ABL1: variants seen among roughly 807,000 people sequenced by gnomAD.
ABL1 encodes tyrosine-protein kinase ABL1.
ABL1 carries 11 observed loss-of-function variants against 94.7 expected under a neutral mutation model. The observed-to-expected ratio is 0.12, with a 90% CI of 0.07 to 0.19. ABL1 has a LOEUF of 0.19. Among genes scored for constraint, ABL1 ranks in the 10% least tolerant of loss-of-function variants. The pLI, the probability that ABL1 is intolerant of heterozygous loss-of-function variation, is 1.00. For missense variants in ABL1, 1,082 were observed against 1,489.4 expected (o/e 0.73, Z 4.50); for synonymous variants, 656 against 622.4 (o/e 1.05, Z -0.80).
intron 1 of ABL1, among the ~76,000 whole-genome samples, chr9:130,753,422 C>CTTTTTTTT (rs71389347): frequency 2.2e-4 from 20 of 90,340 alleles, no homozygotes; most frequent in East Asian, 4.1e-4. Flanking sequence ...TTTTTCTTTT[C>CTTTTTTTT]TTTTTTTTTT....
At chr9:130,843,038 A>C (rs575896908) in intron 1 of ABL1, among the ~76,000 whole-genome samples, 1 of 152,344 alleles carries the variant, frequency 6.6e-6, no homozygotes, top group East Asian at 1.9e-4. Flanking sequence ...TTTCCTGGTC[A>C]GGTTGCATTT....
Position 130,887,370 on chromosome 9 carries a change from G to C in ABL1, c.*1687G>C, listed in dbSNP as rs1588285247. On this transcript the variant is annotated 3_prime_UTR_variant, in exon 11 of 11. Coordinates refer to ENST00000318560, the MANE Select transcript of ABL1 (RefSeq NM_005157.6). ...GTCACCGACAGCGGCCTTGAAGACA[G>C]AGCAAAGCGCCCACCCAGGTCCCCC... is the stretch of plus-strand genomic sequence containing the variant. The C allele has an allele frequency of 4.3e-6, 1 of 233,380 alleles. No individual in the cohort carries two copies. The highest frequency in any genetic ancestry group is 6.0e-5 in the East Asian group (1 of 16,590). 14.5% of individuals were successfully genotyped at this position (233,380 alleles called of 1,614,324 possible).
chr9:130,858,435 G>T (rs916244072), intron 3 of ABL1, among the ~76,000 whole-genome samples: 1 of 152,064 alleles, frequency 6.6e-6, no homozygotes, highest in Non-Finnish European at 1.5e-5. Flanking sequence ...TTCCCTTGGC[G>T]TCTTGCCTCC....
At chr9:130,841,975 G>C (rs1470401230) in intron 1 of ABL1, among the ~76,000 whole-genome samples, 1 of 151,200 alleles carries the variant, frequency 6.6e-6, no homozygotes, top group Non-Finnish European at 1.5e-5. Flanking sequence ...GAGACATAAG[G>C]GGGAAATCTA....
intron 1 of ABL1, among the ~76,000 whole-genome samples, chr9:130,821,885 G>A (rs1830368007): frequency 2.0e-5 from 3 of 149,966 alleles, no homozygotes; most frequent in Non-Finnish European, 4.4e-5. Context: ...CTGTCACCCA[G>A]GCTGGAGTGC....
intron 1 of ABL1, chr9:130,724,747 T>TTA (rs769873923): frequency 3.4e-6 from 1 of 291,412 alleles, no homozygotes; most frequent in Non-Finnish European, 6.6e-6. Flanking sequence ...ACCCTGTCTT[T>TTA]AAAAAAAAAA....
At position 130,885,896 on chromosome 9, in the gene ABL1, G is replaced by C. The variant is rs938946548; in HGVS notation, c.*213G>C. 4 of 621,984 alleles carry C rather than the reference G, an allele frequency of 6.4e-6. No individual in the cohort carries two copies. The highest frequency in any genetic ancestry group is 1.1e-5 in the Non-Finnish European group (4 of 370,696). 38.5% of individuals were successfully genotyped at this position (621,984 alleles called of 1,614,324 possible). On this transcript the variant is annotated 3_prime_UTR_variant, in exon 11 of 11. Coordinates refer to ENST00000318560, the MANE Select transcript of ABL1 (RefSeq NM_005157.6). The stretch of plus-strand genomic sequence containing the variant: ...CCCGCACCTTCCTCCTCCCCGCTCC[G>C]TCTCTGTCCTCGAATTTTATCTGTG...
chr9:130,883,900 T>C, intron 10 of ABL1, 69 bp from the exon 11 acceptor site: 2 of 1,521,760 alleles, frequency 1.3e-6, no homozygotes, highest in Non-Finnish European at 8.8e-7. Context: ...GCCTCCCGGG[T>C]TCAAGCGATT....
chr9:130,880,391 G>T lies in ABL1; in HGVS notation c.1514-109G>T. On this transcript the variant is annotated intron_variant, in intron 9 of 10. Transcript: ENST00000318560. The surrounding 1 kb of genome is among the most constrained non-coding windows in gnomAD (Gnocchi z 4.4). ...GTATCCACGTGCCTTTTCTTTAGTT[G>T]TATGCAGATGAGCACTGTTACCTTA... The T allele has an allele frequency of 7.4e-7, 1 of 1,353,376 alleles. No homozygotes were observed. The highest frequency in any genetic ancestry group is 1.4e-5 in the South Asian group (1 of 73,672). The allele number at this position is 1,353,376 out of a possible 1,614,324, so 83.8% of individuals were successfully genotyped here.
chr9:130,812,776 TA>T (rs1312050820), intron 1 of ABL1, among the ~76,000 whole-genome samples: 1 of 152,218 alleles, frequency 6.6e-6, no homozygotes, highest in Non-Finnish European at 1.5e-5. Context: ...TCAGTGAGGA[TA>T]TAGAAGATTT....
At chr9:130,823,387 G>C (rs763953461) in intron 1 of ABL1, among the ~76,000 whole-genome samples, 4 of 152,108 alleles carry the variant, frequency 2.6e-5, no homozygotes, top group Admixed American at 6.6e-5. Flanking sequence ...AGGTTAATGC[G>C]AGTTAGAACT....
Position 130,770,171 on chromosome 9 carries a change from G to GTC in ABL1, c.136+55730_136+55731dup, listed in dbSNP as rs780747993. ...ATTTCTACCAGTTGTCTCTCTCTCTGTCTCTCTCTCTCTCTTTTTTTTTTA... is the reference window on the plus strand; with the variant it reads ...ATTTCTACCAGTTGTCTCTCTCTCTGTCTCTCTCTCTCTCTCTTTTTTTTTTA... On this transcript the variant is annotated intron_variant, in intron 1 of 10. Transcript: ENST00000372348. Among the ~76,000 whole-genome samples the GTC allele has an allele frequency of 1.0e-3, 95 of 93,412 alleles. 2 individuals carry two copies. In the East Asian group the frequency reaches 0.019, roughly 19 times the overall value. 61.3% of individuals were successfully genotyped at this position (93,412 alleles called of 152,430 possible).
At chr9:130,819,800 C>G (rs1830336478) in intron 1 of ABL1, among the ~76,000 whole-genome samples, 1 of 151,976 alleles carries the variant, frequency 6.6e-6, no homozygotes, top group Non-Finnish European at 1.5e-5. Context: ...CTCAGCCTTC[C>G]AAAGTGCTGG....
chr9:130,784,752 C>T (rs1406895252), intron 1 of ABL1, among the ~76,000 whole-genome samples: 2 of 152,198 alleles, frequency 1.3e-5, no homozygotes, highest in Admixed American at 1.3e-4. Context: ...TTGGTACATT[C>T]ACCCTGCAGC....
chr9:130,783,780 C>T (rs1179976266), intron 1 of ABL1, among the ~76,000 whole-genome samples: 2 of 152,066 alleles, frequency 1.3e-5, no homozygotes, highest in African/African-American at 2.4e-5. Flanking sequence ...CTCAGCCTCC[C>T]GAGTAGCTGG....
rs571529061 is a variant in ABL1 at position 130,859,959 on chromosome 9, G to A, written c.550-2804G>A. On this transcript the variant is annotated intron_variant, in intron 3 of 10. Transcript: ENST00000318560. ...CTCCCAAAGTGCTGGGATTACAGGCGTGAGCCACTGCTCCTGGCAAAATGC... is the reference window on the plus strand; with the variant it reads ...CTCCCAAAGTGCTGGGATTACAGGCATGAGCCACTGCTCCTGGCAAAATGC... 3.1e-3 allele frequency among the ~76,000 whole-genome samples: 472 copies of A among 152,212 alleles called. 2 individuals carry two copies. Among genetic ancestry groups the A allele is most frequent in the Non-Finnish European group, 5.3e-3 (360 of 68,016 alleles).
At chr9:130,846,315 C>T (rs927713980) in intron 1 of ABL1, among the ~76,000 whole-genome samples, 9 of 152,070 alleles carry the variant, frequency 5.9e-5, no homozygotes, top group Admixed American at 2.0e-4. Context: ...TGATCTCATC[C>T]GCTGGAACGG....
Position 130,885,428 on chromosome 9 carries a change from C to G in ABL1, c.3138C>G (p.Asn1046Lys), listed in dbSNP as rs1287905726. 1.9e-6 allele frequency: 3 copies of G among 1,613,728 alleles called. No homozygotes were observed. The highest frequency in any genetic ancestry group is 2.2e-5 in the South Asian group (2 of 91,080). ...TEALCLAISR[N>K]SEQMASHSAV... ...CGCTGTGCCTCGCCATCTCTAGGAA[C>G]TCCGAGCAGATGGCCAGCCACAGCG... The change falls in exon 11 of 11, where the codon AAC becomes AAG. Residue 1046 changes from asparagine (N) to lysine (K), a missense_variant. This residue lies in a region of ABL1 where 780 missense variants were observed against 835.8 expected (regional missense o/e 0.93). Transcript: ENST00000318560.
chr9:130,830,952 T>TAGG (rs1206076634), upstream of ABL1, among the ~76,000 whole-genome samples: 1 of 152,170 alleles, frequency 6.6e-6, no homozygotes, highest in East Asian at 1.9e-4. Flanking sequence ...ATGTGAGACT[T>TAGG]AAAGGGATGC....
Sources: allele counts gnomAD v4.1 joint callset (sites outside exome capture counted in the v4.1 genomes callset), GRCh38; gene constraint gnomAD v4.1.1; regional missense constraint gnomAD v4.1.1; non-coding constraint Gnocchi (gnomAD v3.1); transcripts MANE v1.5; gene names NCBI Gene and HGNC (gene_info 2026-07-23, HGNC 2026-07-21).